TTC28: variants seen among roughly 807,000 people sequenced by gnomAD.
TTC28 encodes tetratricopeptide repeat protein 28.
In TTC28, 61 loss-of-function variants were observed where a neutral mutation model predicts 198.0. That is an observed-to-expected ratio of 0.31 (90% CI 0.25 to 0.38). The LOEUF (loss-of-function observed/expected upper bound fraction) is 0.38, where lower values mean the gene tolerates loss of function less well. Ranked by LOEUF, TTC28 falls within the 10% of genes least tolerant of loss-of-function variation. TTC28 has a pLI of 1.00. For missense variants in TTC28, 2,678 were observed against 3,164.0 expected, an observed-to-expected ratio of 0.85 and a Z score of 3.69; for synonymous variants, 1,171 against 1,297.8, an observed-to-expected ratio of 0.90 and a Z score of 2.10.
intron 2 of TTC28, among the ~76,000 whole-genome samples, chr22:28,324,101 A>T (rs1263049025): frequency 1.3e-5 from 2 of 152,160 alleles, no homozygotes; most frequent in Non-Finnish European, 2.9e-5. Flanking sequence ...GGCCTATTCT[A>T]AAAGAAATGC....
intron 2 of TTC28, among the ~76,000 whole-genome samples, chr22:28,419,536 T>C (rs184747637): frequency 1.1e-4 from 16 of 152,358 alleles, no homozygotes; most frequent in Non-Finnish European, 2.9e-5. Flanking sequence ...AAGAGAACTT[T>C]AGTATTTTCT....
intron 12 of TTC28, among the ~76,000 whole-genome samples, chr22:28,040,899 A>G (rs991210738): frequency 1.3e-5 from 2 of 152,238 alleles, no homozygotes; most frequent in Non-Finnish European, 2.9e-5. Context: ...CTTAGGATAC[A>G]AAATCCATGT....
In TTC28 at chr22:28,096,243, T is replaced by A; in HGVS notation, c.3713A>T (p.Tyr1238Phe). Residue 1238 changes from tyrosine (Y) to phenylalanine (F), a missense_variant, in exon 11 of 23, where the codon TAC (tyrosine) becomes TTC (phenylalanine). By Grantham distance (22) the Tyr-to-Phe change is conservative. Coordinates refer to ENST00000397906, the MANE Select transcript of TTC28 (RefSeq NM_001145418.2). ...CAGATAGCCTGCAGCCAGGGAATAG[T>A]AAAGCACTAGTCCCCTCTGGCCATT... is the stretch of plus-strand genomic sequence containing the variant. The part of the protein sequence containing the change: ...MVNGQRGLVL[Y>F]YSLAAGYLYS... 1.3e-6 allele frequency: 2 copies of A among 1,551,550 alleles called. No individual in the cohort carries two copies.
At chr22:28,523,109 G>C (rs528968599) in intron 2 of TTC28, among the ~76,000 whole-genome samples, 20 of 152,018 alleles carry the variant, frequency 1.3e-4, no homozygotes, top group Non-Finnish European at 2.6e-4. Context: ...ACTTGCAAGA[G>C]ATATACTTTA....
chr22:28,669,302 T>TAAAA (rs368983463), intron 1 of TTC28, among the ~76,000 whole-genome samples: 1 of 117,352 alleles, frequency 8.5e-6, no homozygotes, highest in Admixed American at 8.7e-5. Context: ...TAGAGTATAA[T>TAAAA]AAAAAAAAAA....
At chr22:28,597,214 C>G (rs913699783) in intron 2 of TTC28, among the ~76,000 whole-genome samples, 2 of 152,058 alleles carry the variant, frequency 1.3e-5, no homozygotes, top group Admixed American at 6.6e-5. Flanking sequence ...AATTTACTAT[C>G]TTAGTCATTT....
chr22:28,082,974 A>G (rs1198002399), intron 12 of TTC28, among the ~76,000 whole-genome samples: 1 of 152,094 alleles, frequency 6.6e-6, no homozygotes, highest in African/African-American at 2.4e-5. Flanking sequence ...CAGTCTTGGT[A>G]GGTCATTCAA....
At chr22:28,581,006 A>T (rs2050226356) in intron 2 of TTC28, among the ~76,000 whole-genome samples, 1 of 152,118 alleles carries the variant, frequency 6.6e-6, no homozygotes. Flanking sequence ...AGTAAAATTA[A>T]TTTTAATAAT....
At chr22:28,201,180 AATTCATTCATTC>A (rs375425536) in intron 5 of TTC28, among the ~76,000 whole-genome samples, 3 of 151,930 alleles carry the variant, frequency 2.0e-5, no homozygotes, top group African/African-American at 4.8e-5. Context: ...TCAATCTTAA[AATTCATTCATTC>A]ATTCATTCAT....
At chr22:28,337,389 T>C (rs1181314415) in intron 2 of TTC28, among the ~76,000 whole-genome samples, 1 of 151,916 alleles carries the variant, frequency 6.6e-6, no homozygotes, top group East Asian at 1.9e-4. Flanking sequence ...AAGTCCTGGA[T>C]ATCCTTGTTA....
At chr22:28,384,335 G>T (rs1246936523) in intron 2 of TTC28, among the ~76,000 whole-genome samples, 1 of 151,992 alleles carries the variant, frequency 6.6e-6, no homozygotes, top group East Asian at 1.9e-4. Context: ...TGACCCTCTT[G>T]CCTTGGCCAC....
chr22:28,660,579 C>T (rs1042281513), intron 1 of TTC28, among the ~76,000 whole-genome samples: 1 of 151,790 alleles, frequency 6.6e-6, no homozygotes, highest in African/African-American at 2.4e-5. Flanking sequence ...GACTGGAGTA[C>T]AGTGGCGCTA....
At chr22:28,577,025 G>T (rs1348086203) in intron 2 of TTC28, among the ~76,000 whole-genome samples, 2 of 151,648 alleles carry the variant, frequency 1.3e-5, no homozygotes, top group Non-Finnish European at 2.9e-5. Context: ...GGTTTGGTTT[G>T]CTCTTGCTTT....
rs1248376548 is a variant in TTC28, at chr22:28,607,864, G to A, written c.381+21688C>T. On this transcript the variant is annotated intron_variant, in intron 2 of 22. Coordinates refer to ENST00000397906, the MANE Select transcript of TTC28 (RefSeq NM_001145418.2). The stretch of plus-strand genomic sequence containing the variant: ...TTCTACCACCACTACTCTAGTCCAA[G>A]TTAGCTTCATCATTAGCCTCCCTGC... 2.0e-5 allele frequency among the ~76,000 whole-genome samples: 3 copies of A among 152,132 alleles called. No individual in the cohort carries two copies. In the East Asian group the frequency reaches 5.8e-4, roughly 29 times the overall value.
chr22:28,058,692 G>T (rs6005707), intron 12 of TTC28, among the ~76,000 whole-genome samples: 5 of 151,750 alleles, frequency 3.3e-5, no homozygotes, highest in Admixed American at 6.6e-5. Flanking sequence ...AAAATTGTAG[G>T]GTTTTTTCTT....
At chr22:28,549,787 T>G (rs1426704441) in intron 2 of TTC28, among the ~76,000 whole-genome samples, 1 of 152,196 alleles carries the variant, frequency 6.6e-6, no homozygotes, top group East Asian at 1.9e-4. Context: ...TGTGCTTGAT[T>G]TGCTAACTGG....
intron 9 of TTC28, among the ~76,000 whole-genome samples, chr22:28,099,604 C>G (rs907922229): frequency 1.3e-5 from 2 of 152,160 alleles, no homozygotes; most frequent in African/African-American, 2.4e-5. Context: ...CAGTAAATTA[C>G]AGTTTATATA....
At chr22:28,484,102 G>T (rs1568972880) in intron 2 of TTC28, among the ~76,000 whole-genome samples, 1 of 151,810 alleles carries the variant, frequency 6.6e-6, no homozygotes, top group Non-Finnish European at 1.5e-5. Context: ...TTATTTTGGG[G>T]GTTTGTTTAT....
intron 12 of TTC28, among the ~76,000 whole-genome samples, chr22:28,047,330 G>A (rs1939906941): frequency 6.6e-6 from 1 of 152,182 alleles, no homozygotes; most frequent in Admixed American, 6.5e-5. Flanking sequence ...GATAGCCTAT[G>A]CTGCTAGAGT....
Sources: gnomAD v4.1 joint callset for allele counts (sites outside exome capture counted in the v4.1 genomes callset) on GRCh38, gnomAD v4.1.1 for gene constraint, MANE v1.5 for transcripts, NCBI Gene and HGNC (gene_info 2026-07-23, HGNC 2026-07-21) for gene names.